The following RAB23 variants were observed in gnomAD, a reference collection of about 807,000 sequenced individuals.
RAB23 encodes the protein RAB23, member RAS oncogene family.
Under a neutral mutation model 30.0 loss-of-function variants are expected in RAB23, and 15 were observed. That is an observed-to-expected ratio of 0.50 (90% CI 0.33 to 0.77). The LOEUF is 0.77. RAB23 is among the 30% of genes least tolerant of loss of function. The pLI is 0.02. For synonymous variants in RAB23, 93 were observed against 94.0 expected (o/e 0.99, Z 0.06); for missense variants, 243 against 275.4 (o/e 0.88, Z 0.83).
rs1168854982 is a variant in RAB23, at chr6:57,208,626, C to CAAA, written c.156-916_156-914dup. ...TGGGAGACAGAGTGAGACTCTGTCT[C>CAAA]AAAAAAAAAAAAAAAAAAAAAAAGC... On this transcript the variant is annotated intron_variant, in intron 2 of 6. Coordinates refer to ENST00000468148, the MANE Select transcript of RAB23 (RefSeq NM_016277.5). Among the ~76,000 whole-genome samples, 32 of 46,824 alleles carry CAAA rather than the reference C, an allele frequency of 6.8e-4. 1 individual carries two copies. Among genetic ancestry groups the CAAA allele is most frequent in the South Asian group, 3.6e-3 (4 of 1,096 alleles). 30.7% of individuals were successfully genotyped at this position (46,824 alleles called of 152,430 possible).
At chr6:57,204,412 A>G (rs1765380250) in intron 3 of RAB23, among the ~76,000 whole-genome samples, 1 of 152,186 alleles carries the variant, frequency 6.6e-6, no homozygotes, top group African/African-American at 2.4e-5. Flanking sequence ...ATTAAAGAAG[A>G]CTTCCATGAA....
chr6:57,220,238 T>TA (rs1766004767), intron 1 of RAB23, among the ~76,000 whole-genome samples: 1 of 152,176 alleles, frequency 6.6e-6, no homozygotes, highest in African/African-American at 2.4e-5. Flanking sequence ...TGGCTAAATT[T>TA]AAAAAAACTG....
chr6:57,194,914 A>G (rs1336682688), intron 4 of RAB23, 62 bp from the exon 5 acceptor site: 2 of 1,206,778 alleles, frequency 1.7e-6, no homozygotes, highest in East Asian at 2.4e-5. Flanking sequence ...TGTTTTTTAA[A>G]TCACTTTTAA....
chr6:57,222,279 A>G lies in RAB23; in HGVS notation c.-619T>C, dbSNP rs1028219293. 4 of 152,126 alleles carry G rather than the reference A, an allele frequency of 2.6e-5. No individual in the cohort carries two copies. Among genetic ancestry groups the G allele is most frequent in the Non-Finnish European group, 2.9e-5 (2 of 68,102 alleles). The allele number at this position is 152,126 out of a possible 1,614,324, so 9.4% of individuals were successfully genotyped here. A position where few individuals can be genotyped will look rare whatever the true frequency, so the allele number is the denominator to read the frequency against. On this transcript the variant is annotated 5_prime_UTR_variant, in exon 1 of 7. An upstream start codon of the reference 5' UTR is lost. Coordinates refer to ENST00000468148, the MANE Select transcript of RAB23 (RefSeq NM_016277.5). The stretch of plus-strand genomic sequence containing the variant: ...GGGCGCGGGAGTCTCGACTCCCCTC[A>G]TCTGTGGACCCGCCGCGCTGCGGAG...
intron 6 of RAB23, among the ~76,000 whole-genome samples, chr6:57,192,565 G>A (rs2127997195): frequency 6.6e-6 from 1 of 152,290 alleles, no homozygotes; most frequent in Non-Finnish European, 1.5e-5. Flanking sequence ...CTGGACACTT[G>A]GCAGTGCCCT....
chr6:57,206,333 A>G (rs73469507), intron 3 of RAB23, among the ~76,000 whole-genome samples: 4 of 152,286 alleles, frequency 2.6e-5, no homozygotes, highest in African/African-American at 9.6e-5. Context: ...CAGCGTCTGG[A>G]TATTAAAGTT....
At chr6:57,206,595 C>T (rs1196941178) in intron 3 of RAB23, among the ~76,000 whole-genome samples, 1 of 151,970 alleles carries the variant, frequency 6.6e-6, no homozygotes, top group African/African-American at 2.4e-5. Context: ...GTCTCATGAC[C>T]TGGACTTTCA....
chr6:57,221,647 C>A (rs1766064548), intron 1 of RAB23, 79 bp downstream of exon 1: 1 of 152,518 alleles, frequency 6.6e-6, no homozygotes, highest in Non-Finnish European at 1.5e-5. Flanking sequence ...AAAAGCCGAA[C>A]GTTCGGCCAG....
chr6:57,210,509 T>C (rs1765614816), intron 1 of RAB23, 64 bp from the exon 2 acceptor site: 5 of 1,062,168 alleles, frequency 4.7e-6, no homozygotes, highest in South Asian at 4.0e-5. Flanking sequence ...CTAATTGTTT[T>C]ATCAAGAAAT....
intron 1 of RAB23, among the ~76,000 whole-genome samples, chr6:57,220,377 A>G (rs1216844029): frequency 6.6e-6 from 1 of 152,216 alleles, no homozygotes; most frequent in African/African-American, 2.4e-5. Context: ...TACATTTACC[A>G]TATGACCCTG....
At chr6:57,217,866 A>G (rs1196031006) in intron 1 of RAB23, among the ~76,000 whole-genome samples, 1 of 152,220 alleles carries the variant, frequency 6.6e-6, no homozygotes, top group Non-Finnish European at 1.5e-5. Context: ...CAAAAAAGAG[A>G]GAGGATACAA....
intron 1 of RAB23, among the ~76,000 whole-genome samples, chr6:57,217,222 A>C (rs1251908577): frequency 6.6e-6 from 1 of 152,162 alleles, no homozygotes; most frequent in East Asian, 1.9e-4. Context: ...GCAAAAAAAA[A>C]AAAAAACAAA....
intron 1 of RAB23, among the ~76,000 whole-genome samples, chr6:57,211,005 C>T (rs1235879768): frequency 6.6e-6 from 1 of 152,302 alleles, no homozygotes; most frequent in South Asian, 2.1e-4. Flanking sequence ...TGTGATAGGT[C>T]ACAGTCAAAG....
At chr6:57,200,702 C>T (rs1593215619) in intron 3 of RAB23, among the ~76,000 whole-genome samples, 1 of 152,048 alleles carries the variant, frequency 6.6e-6, no homozygotes, top group South Asian at 2.1e-4. Flanking sequence ...GAAGCTGTTA[C>T]GTATTTCCAG....
intron 6 of RAB23, among the ~76,000 whole-genome samples, chr6:57,192,135 C>T (rs1764863458): frequency 6.6e-6 from 1 of 152,180 alleles, no homozygotes; most frequent in South Asian, 2.1e-4. Flanking sequence ...CAAGCAACCA[C>T]ACCCAGCTAT....
At position 57,188,407 on chromosome 6, in the gene RAB23, G is replaced by C. The variant is rs1458572592; in HGVS notation, c.*2054C>G. 1 of 152,140 alleles carries C rather than the reference G, an allele frequency of 6.6e-6. No homozygotes were observed. 9.4% of individuals were successfully genotyped at this position (152,140 alleles called of 1,614,324 possible). ...TACATAAAATTATATTACAGGAACT[G>C]TAACTATCCTCAGAGATTACTTTTT... On this transcript the variant is annotated 3_prime_UTR_variant, in exon 7 of 7. Transcript: ENST00000468148.
intron 3 of RAB23, among the ~76,000 whole-genome samples, chr6:57,197,074 T>C (rs1304449118): frequency 6.6e-6 from 1 of 152,226 alleles, no homozygotes. Context: ...TTTGCTTAAT[T>C]TCTTTCAGCG....
chr6:57,198,501 C>A (rs1765113573), intron 3 of RAB23, among the ~76,000 whole-genome samples: 1 of 151,792 alleles, frequency 6.6e-6, no homozygotes, highest in Admixed American at 6.6e-5. Flanking sequence ...GGCAACATGG[C>A]AAAACCCCAT....
Position 57,187,997 on chromosome 6 carries a change from A to AAAG in RAB23, c.*2461_*2463dup, listed in dbSNP as rs1764674361. ...TTCATAGACAGAGACTGGAAAAGGA[A>AAAG]AAGGAAACCTGAGGAACTCTGAAAT... On this transcript the variant is annotated 3_prime_UTR_variant, in exon 7 of 7. Transcript: ENST00000468148. The AAAG allele has an allele frequency of 6.6e-6, 1 of 152,184 alleles. No individual in the cohort carries two copies. Among genetic ancestry groups the AAAG allele is most frequent in the Non-Finnish European group, 1.5e-5 (1 of 68,018 alleles). 9.4% of individuals were successfully genotyped at this position (152,184 alleles called of 1,614,324 possible).
Sources: gnomAD v4.1 joint callset for allele counts (sites outside exome capture counted in the v4.1 genomes callset) on GRCh38, gnomAD v4.1.1 for gene constraint, MANE v1.5 for transcripts, NCBI Gene and HGNC (gene_info 2026-07-23, HGNC 2026-07-21) for gene names.